The following MIPOL1 variants were observed in gnomAD, a reference collection of about 807,000 sequenced individuals.
The protein encoded by MIPOL1 is mirror-image polydactyly 1.
MIPOL1 carries 57 observed loss-of-function variants against 60.9 expected under a neutral mutation model. The ratio of observed to expected loss-of-function variants is 0.94; its 90% confidence interval spans 0.76 to 1.17. The LOEUF (loss-of-function observed/expected upper bound fraction) is 1.17, where lower values mean the gene tolerates loss of function less well. Ranked by LOEUF, MIPOL1 falls within the 50% of genes most tolerant of loss-of-function variation. The pLI, the probability that MIPOL1 is intolerant of heterozygous loss-of-function variation, is 0.00. For missense variants in MIPOL1, 551 were observed against 511.6 expected (o/e 1.08, Z -0.74); for synonymous variants, 179 against 168.8 (o/e 1.06, Z -0.47).
chr14:37,337,239 C>T (rs1385594430), intron 9 of MIPOL1, among the ~76,000 whole-genome samples: 1 of 147,298 alleles, frequency 6.8e-6, no homozygotes, highest in African/African-American at 2.5e-5. Flanking sequence ...TACTGATAAT[C>T]ACTCTCCTCA....
chr14:37,471,490 TG>T (rs921037444), intron 11 of MIPOL1, among the ~76,000 whole-genome samples: 107 of 152,340 alleles, frequency 7.0e-4, no homozygotes, highest in African/African-American at 2.5e-3. Context: ...GTTAGAGATC[TG>T]GTGTCTTATT....
At chr14:37,484,280 T>C (rs968356806) in intron 11 of MIPOL1, among the ~76,000 whole-genome samples, 3 of 152,144 alleles carry the variant, frequency 2.0e-5, no homozygotes, top group Non-Finnish European at 4.4e-5. Flanking sequence ...ACTTGTTTTT[T>C]TAGCTCTATC....
In MIPOL1 at chr14:37,442,921, A is replaced by G. The variant is rs950823182; in HGVS notation, c.1031+19972A>G. ...TAAGATAAGAATCTACAAATTCAAC[A>G]TAATTTCTATCAGAATGCTAGTTAA... On this transcript the variant is annotated intron_variant, in intron 11 of 12. Coordinates refer to ENST00000684589, the MANE Select transcript of MIPOL1 (RefSeq NM_001388067.1). Among the ~76,000 whole-genome samples the G allele has an allele frequency of 2.6e-5, 4 of 152,302 alleles. No individual in the cohort carries two copies. In the East Asian group the frequency reaches 7.7e-4, roughly 29 times the overall value.
At chr14:37,418,753 A>G (rs1294106740) in intron 10 of MIPOL1, among the ~76,000 whole-genome samples, 1 of 152,094 alleles carries the variant, frequency 6.6e-6, no homozygotes, top group East Asian at 1.9e-4. Context: ...ATGAGAATAG[A>G]ATATAGTAAT....
intron 9 of MIPOL1, among the ~76,000 whole-genome samples, chr14:37,351,740 A>G (rs2091403795): frequency 4.1e-5 from 5 of 122,956 alleles, no homozygotes; most frequent in Non-Finnish European, 8.6e-5. Context: ...TCCTTTGCCC[A>G]CTTTTTGATG....
intron 9 of MIPOL1, among the ~76,000 whole-genome samples, chr14:37,318,100 G>A (rs546484278): frequency 6.6e-6 from 1 of 152,164 alleles, no homozygotes; most frequent in Non-Finnish European, 1.5e-5. Context: ...AGCAGATTGA[G>A]ATTAGGGAGT....
At chr14:37,490,809 A>G (rs952413009) in intron 11 of MIPOL1, among the ~76,000 whole-genome samples, 1 of 152,100 alleles carries the variant, frequency 6.6e-6, no homozygotes, top group East Asian at 1.9e-4. Context: ...AATGAGATGA[A>G]CCAGGTACCT....
At chr14:37,453,241 T>C (rs183512087) in intron 11 of MIPOL1, among the ~76,000 whole-genome samples, 177 of 152,266 alleles carry the variant, frequency 1.2e-3, no homozygotes, top group African/African-American at 4.1e-3. Flanking sequence ...TTTTACTTCC[T>C]ACATCTTGTG....
chr14:37,259,281 G>A (rs962018208), intron 3 of MIPOL1, among the ~76,000 whole-genome samples: 2 of 151,974 alleles, frequency 1.3e-5, no homozygotes, highest in African/African-American at 4.8e-5. Context: ...ATGCACTGGG[G>A]ACAGTGGCTC....
chr14:37,273,386 A>G (rs2083434067), intron 6 of MIPOL1, among the ~76,000 whole-genome samples: 2 of 149,684 alleles, frequency 1.3e-5, no homozygotes, highest in African/African-American at 4.9e-5. Context: ...TTTTTTTTTT[A>G]GAAATTACTT....
intron 7 of MIPOL1, among the ~76,000 whole-genome samples, chr14:37,290,430 T>C (rs796309617): frequency 2.0e-5 from 3 of 152,120 alleles, no homozygotes; most frequent in South Asian, 4.2e-4. Flanking sequence ...TTCACCACAT[T>C]GGCCAGGCTG....
chr14:37,335,606 C>G (rs543431200), intron 9 of MIPOL1, among the ~76,000 whole-genome samples: 1 of 151,986 alleles, frequency 6.6e-6, no homozygotes. Context: ...CTTTTTTAGA[C>G]TGAGTAATAT....
intron 9 of MIPOL1, among the ~76,000 whole-genome samples, chr14:37,350,541 G>A (rs1450242711): frequency 1.3e-5 from 2 of 151,840 alleles, no homozygotes; most frequent in African/African-American, 2.4e-5. Context: ...TAATCTTGGG[G>A]TATCCATCCC....
intron 3 of MIPOL1, among the ~76,000 whole-genome samples, chr14:37,251,302 G>C (rs902661406): frequency 6.6e-6 from 1 of 151,698 alleles, no homozygotes; most frequent in Non-Finnish European, 1.5e-5. Flanking sequence ...TCCTAGCCTC[G>C]AGCAATTCTC....
chr14:37,467,893 A>C (rs1393891449), intron 11 of MIPOL1, among the ~76,000 whole-genome samples: 2 of 151,870 alleles, frequency 1.3e-5, no homozygotes, highest in Non-Finnish European at 2.9e-5. Flanking sequence ...GTCTCTACTA[A>C]AAATACAAAA....
chr14:37,356,530 C>G (rs1302938420), intron 9 of MIPOL1, among the ~76,000 whole-genome samples: 1 of 152,286 alleles, frequency 6.6e-6, no homozygotes, highest in Non-Finnish European at 1.5e-5. Flanking sequence ...GCAGTTTGAT[C>G]TCAGACTGCT....
intron 9 of MIPOL1, among the ~76,000 whole-genome samples, chr14:37,339,885 G>A (rs543095056): frequency 7.9e-5 from 12 of 152,284 alleles, no homozygotes; most frequent in Admixed American, 2.0e-4. Flanking sequence ...GGTAGAAATA[G>A]TCTACATCTT....
intron 1 of MIPOL1, among the ~76,000 whole-genome samples, chr14:37,239,677 T>C (rs1972051807): frequency 6.6e-6 from 1 of 152,204 alleles, no homozygotes; most frequent in African/African-American, 2.4e-5. Context: ...TTTTATCCCA[T>C]GTTATGGAAC....
intron 3 of MIPOL1, among the ~76,000 whole-genome samples, chr14:37,265,635 GC>G (rs1179028133): frequency 2.6e-5 from 4 of 152,074 alleles, no homozygotes; most frequent in African/African-American, 7.2e-5. Flanking sequence ...AATCATACTT[GC>G]CAAAATAGTT....
Sources: allele counts gnomAD v4.1 joint callset (sites outside exome capture counted in the v4.1 genomes callset), GRCh38; gene constraint gnomAD v4.1.1; transcripts MANE v1.5; gene names NCBI Gene and HGNC (gene_info 2026-07-23, HGNC 2026-07-21).